The following SSBP3 variants were observed in gnomAD, a reference collection of about 807,000 sequenced individuals.
The protein encoded by SSBP3 is single-stranded DNA-binding protein 3.
Under a neutral mutation model 69.6 loss-of-function variants are expected in SSBP3, and 5 were observed. The ratio of observed to expected loss-of-function variants is 0.07; its 90% CI spans 0.04 to 0.15. The LOEUF is 0.15. Among genes scored for constraint, SSBP3 ranks in the 10% least tolerant of loss-of-function variants. The pLI is 1.00. For synonymous variants in SSBP3, 196 were observed against 193.4 expected, an observed-to-expected ratio of 1.01 and a Z score of -0.11; for missense variants, 312 against 534.0, an observed-to-expected ratio of 0.58 and a Z score of 4.10.
At chr1:54,384,351 G>A (rs1306087849) in intron 4 of SSBP3, among the ~76,000 whole-genome samples, 1 of 152,218 alleles carries the variant, frequency 6.6e-6, no homozygotes, top group Non-Finnish European at 1.5e-5. Flanking sequence ...TTCTAAGGGC[G>A]TTAAGACTTC....
intron 4 of SSBP3, among the ~76,000 whole-genome samples, chr1:54,329,798 G>C (rs1305066389): frequency 6.6e-6 from 1 of 152,164 alleles, no homozygotes; most frequent in Non-Finnish European, 1.5e-5. Context: ...TCCCCTCCCT[G>C]AGAAATGGGG....
rs575149571 is a variant in SSBP3 at position 54,358,215 on chromosome 1, G to A, written c.276+43646C>T. ...GCACATACAAAATGAAGACTAACAC[G>A]CCTGCCTAACCTCAAGGAGTACCTC... On this transcript the variant is annotated intron_variant, in intron 4 of 17. Transcript: ENST00000610401. 7.9e-5 allele frequency among the ~76,000 whole-genome samples: 12 copies of A among 152,278 alleles called. No homozygotes were observed. The East Asian group carries it at 1.2e-3, about 15-fold the overall frequency.
chr1:54,319,072 A>G (rs1361630041), intron 4 of SSBP3, among the ~76,000 whole-genome samples: 1 of 152,182 alleles, frequency 6.6e-6, no homozygotes, highest in Non-Finnish European at 1.5e-5. Context: ...ACCACGCTCA[A>G]TGGAGTAGAA....
At chr1:54,312,048 T>C (rs1194980407) in intron 4 of SSBP3, among the ~76,000 whole-genome samples, 4 of 152,132 alleles carry the variant, frequency 2.6e-5, no homozygotes, top group Non-Finnish European at 4.4e-5. Context: ...CTGAGCTCTG[T>C]AGTATTTCAA....
At position 54,242,221 on chromosome 1, in the gene SSBP3, G is replaced by A. The variant is rs746457091; in HGVS notation, c.717-9C>T. 6.2e-7 allele frequency: 1 copy of A among 1,613,852 alleles called. No individual in the cohort carries two copies. Reference sequence around the variant, plus strand: ...TGCCAGCTCCCGGGCCCCTGAGAGAGGGAGAAAGAGATGTGGACAATGAAA... The same window carrying A: ...TGCCAGCTCCCGGGCCCCTGAGAGAAGGAGAAAGAGATGTGGACAATGAAA... On this transcript the variant is annotated splice_polypyrimidine_tract_variant and intron_variant, in intron 10 of 17. Transcript: ENST00000610401.
At chr1:54,259,895 G>A (rs750313058) in intron 5 of SSBP3, among the ~76,000 whole-genome samples, 7 of 152,260 alleles carry the variant, frequency 4.6e-5, no homozygotes, top group African/African-American at 7.2e-5. Flanking sequence ...GCGGCTGCCA[G>A]CAACGGCATG....
intron 4 of SSBP3, among the ~76,000 whole-genome samples, chr1:54,397,460 T>C (rs1329425520): frequency 2.6e-5 from 4 of 152,192 alleles, no homozygotes; most frequent in African/African-American, 9.7e-5. Context: ...TCTGGGGCAC[T>C]TTCCTACTTT....
intron 4 of SSBP3, among the ~76,000 whole-genome samples, chr1:54,375,792 C>T (rs560383699): frequency 3.9e-5 from 6 of 152,342 alleles, no homozygotes; most frequent in African/African-American, 1.4e-4. Context: ...CTTGACGCTA[C>T]AGGCGGCTGC....
chr1:54,387,438 C>T (rs1372271154), intron 4 of SSBP3, among the ~76,000 whole-genome samples: 1 of 152,208 alleles, frequency 6.6e-6, no homozygotes, highest in Non-Finnish European at 1.5e-5. Flanking sequence ...ATCCCTCCTA[C>T]TCTACAGAAG....
chr1:54,333,916 C>G lies in SSBP3; in HGVS notation c.277-52389G>C, dbSNP rs529676043. On this transcript the variant is annotated intron_variant, in intron 4 of 17. Coordinates refer to ENST00000610401, the Ensembl canonical transcript of SSBP3. ...CCTATCTATATAAAGTATTTTAAAACTAGGCAGGCATGGTGATGTGTTGTC... is the reference window on the plus strand; with the variant it reads ...CCTATCTATATAAAGTATTTTAAAAGTAGGCAGGCATGGTGATGTGTTGTC... Among the ~76,000 whole-genome samples, 6 of 151,950 alleles carry G rather than the reference C, an allele frequency of 3.9e-5. No individual in the cohort carries two copies. The South Asian group carries it at 1.2e-3, about 32-fold the overall frequency.
chr1:54,404,778 T>C, intron 2 of SSBP3, 80 bp downstream of exon 2: 1 of 836,424 alleles, frequency 1.2e-6, no homozygotes. Flanking sequence ...CCACAGTGGC[T>C]GCTCCTGAAA....
chr1:54,227,187 G>GCA (rs1553120703), intron 17 of SSBP3, 27 bp from the exon 18 acceptor site: 3 of 1,145,866 alleles, frequency 2.6e-6, no homozygotes, highest in Non-Finnish European at 3.8e-6. Flanking sequence ...GAGAAGGGGG[G>GCA]GGGGTGAGGA....
At chr1:54,257,173 G>C (rs1236753442) in exon 7 of SSBP3, 1 of 1,601,472 alleles carries the variant, frequency 6.2e-7, no homozygotes. Flanking sequence ...TGCGTATCGC[G>C]GTGACATAAA....
intron 9 of SSBP3, 22 bp downstream of exon 9, chr1:54,251,594 C>G: frequency 6.4e-7 from 1 of 1,550,710 alleles, no homozygotes; most frequent in Non-Finnish European, 8.7e-7. Flanking sequence ...GGGAGACGGA[C>G]GGACAGACAG....
chr1:54,229,396 G>A (rs1644343191), intron 14 of SSBP3, among the ~76,000 whole-genome samples: 1 of 152,212 alleles, frequency 6.6e-6, no homozygotes, highest in Admixed American at 6.5e-5. Flanking sequence ...TAGAAATGAA[G>A]ATGTTTCCTG....
At chr1:54,401,772 G>A in intron 4 of SSBP3, 89 bp downstream of exon 4, 1 of 1,115,106 alleles carries the variant, frequency 9.0e-7, no homozygotes. Flanking sequence ...AAAGACCACT[G>A]CGAACTGGCT....
At chr1:54,332,998 C>A (rs1646446117) in intron 4 of SSBP3, among the ~76,000 whole-genome samples, 1 of 152,244 alleles carries the variant, frequency 6.6e-6, no homozygotes, top group Non-Finnish European at 1.5e-5. Context: ...GTCAGCAGTT[C>A]TGCTGCGCTT....
rs375880369 is a variant in SSBP3, at chr1:54,228,435, G to C, written c.1035+14C>G. 6.2e-7 allele frequency: 1 copy of C among 1,614,206 alleles called. No individual in the cohort carries two copies. Among genetic ancestry groups the C allele is most frequent in the Admixed American group, 1.7e-5 (1 of 60,034 alleles). ...CAGATGGGGCGCCGCCAGGGAGACC[G>C]AGTGCACACTCACTTTTGGAAGTCC... On this transcript the variant is annotated intron_variant, in intron 16 of 17. Coordinates refer to ENST00000610401, the Ensembl canonical transcript of SSBP3.
chr1:54,270,624 A>T (rs966369779), intron 5 of SSBP3, among the ~76,000 whole-genome samples: 1 of 152,190 alleles, frequency 6.6e-6, no homozygotes, highest in Non-Finnish European at 1.5e-5. Context: ...TCCTGGAAAG[A>T]GGAGAAACCC....
Sources: allele counts gnomAD v4.1 joint callset (sites outside exome capture counted in the v4.1 genomes callset), GRCh38; gene constraint gnomAD v4.1.1; transcripts MANE v1.5; gene names NCBI Gene and HGNC (gene_info 2026-07-23, HGNC 2026-07-21).